SETX: variants seen among roughly 807,000 people sequenced by gnomAD.
SETX encodes senataxin.
Under a neutral mutation model 227.2 loss-of-function variants are expected in SETX, and 90 were observed. That is an observed-to-expected ratio of 0.40 (90% CI 0.33 to 0.47). The LOEUF is 0.47. SETX is among the 20% of genes least tolerant of loss of function. The pLI, the probability that SETX is intolerant of heterozygous loss-of-function variation, is 0.91. For synonymous variants in SETX, 1,210 were observed against 1,113.2 expected, an observed-to-expected ratio of 1.09 and a Z score of -1.73; for missense variants, 3,052 against 3,181.5, an observed-to-expected ratio of 0.96 and a Z score of 0.98.
Position 132,264,564 on chromosome 9 carries a change from G to A in SETX, c.7709C>T (p.Pro2570Leu), listed in dbSNP as rs765011071. The change falls in exon 26 of 26, where the codon CCT becomes CTT. Residue 2570 changes from proline (P) to leucine (L), a missense_variant. Pro to Leu is a moderately conservative substitution (Grantham distance 98). Around this residue, in one of 10 missense-constraint regions of SETX, gnomAD observed 294 missense variants for 278.8 expected, o/e 1.05. Transcript: ENST00000224140. Reference sequence around the variant, plus strand: ...AGGGAAGCCCGGCTCGCCCGTAGGAGGTGTTGCTCCAGGATGCTGGGGGCT... The same window carrying A: ...AGGGAAGCCCGGCTCGCCCGTAGGAAGTGTTGCTCCAGGATGCTGGGGGCT... ...PSSPQHPGAT[P>L]PTGEPGFPVV... 1.5e-5 allele frequency: 24 copies of A among 1,614,048 alleles called. No homozygotes were observed. Among genetic ancestry groups the A allele is most frequent in the Non-Finnish European group, 1.9e-5 (23 of 1,180,054 alleles).
At chr9:132,354,315 G>A (rs1209438823) in intron 1 of SETX, among the ~76,000 whole-genome samples, 2 of 152,046 alleles carry the variant, frequency 1.3e-5, no homozygotes, top group African/African-American at 2.4e-5. Context: ...AACACAGCCA[G>A]GCCCTGTCTC....
At chr9:132,311,905 A>G (rs754905228) in intron 10 of SETX, 49 bp from the exon 11 acceptor site, 6 of 1,344,750 alleles carry the variant, frequency 4.5e-6, no homozygotes, top group Non-Finnish European at 6.4e-6. Context: ...CTGGAAAGTG[A>G]TGCTAAATAG....
chr9:132,342,858 A>T (rs1332629791), intron 4 of SETX, 59 bp from the exon 5 acceptor site: 7 of 1,262,392 alleles, frequency 5.5e-6, no homozygotes, highest in Non-Finnish European at 6.9e-6. Flanking sequence ...AGATTCCCTA[A>T]ATTAGGCTCC....
Position 132,327,285 on chromosome 9 carries a change from G to C in SETX, c.4313C>G (p.Pro1438Arg). ...HGSPATDDAC[P>R]LNQCDSVVLN... is the part of the protein sequence containing the mutation. ...CACTACAGAATCACACTGGTTCAAA[G>C]GGCAAGCATCATCAGTTGCTGGAGA... Residue 1438 changes from proline (P) to arginine (R), a missense_variant, in exon 10 of 26, where the codon CCT becomes CGT. Pro to Arg is a moderately radical substitution (Grantham distance 103). This residue lies in a region of SETX where 1,483 missense variants were observed against 1,312.0 expected (regional missense o/e 1.13). Transcript: ENST00000224140. The C allele has an allele frequency of 6.2e-7, 1 of 1,614,152 alleles. No homozygotes were observed.
chr9:132,286,308 A>T, intron 18 of SETX, 115 bp downstream of exon 18: 2 of 755,356 alleles, frequency 2.6e-6, no homozygotes, highest in East Asian at 2.6e-5. Flanking sequence ...AGACAGAGTG[A>T]GACTCTGTCT....
At position 132,262,037 on chromosome 9, in the gene SETX, G is replaced by A. The variant is rs1407140207; in HGVS notation, c.*2202C>T. On this transcript the variant is annotated 3_prime_UTR_variant, in exon 26 of 26. Transcript: ENST00000224140. The stretch of plus-strand genomic sequence containing the variant: ...GAACGAGTGAAGTTTCAAAAGTAAT[G>A]TGAGGTACAACTGCATTCCGCTGTG... 2.6e-5 allele frequency: 4 copies of A among 153,458 alleles called. No homozygotes were observed. 9.5% of individuals were successfully genotyped at this position (153,458 alleles called of 1,614,324 possible).
At chr9:132,349,724 T>G (rs1461900493) in intron 2 of SETX, among the ~76,000 whole-genome samples, 1 of 152,216 alleles carries the variant, frequency 6.6e-6, no homozygotes, top group Non-Finnish European at 1.5e-5. Flanking sequence ...ACAGTACCGA[T>G]AGAAAATATA....
chr9:132,349,455 C>A lies in SETX; in HGVS notation c.-7-20G>T, dbSNP rs190166392. On this transcript the variant is annotated intron_variant, in intron 2 of 25. Transcript: ENST00000224140. ...CTGTACCTACAGCCAGAAAAGATGACATCAAGAAGAAAACCAACTTCAGAC... is the reference window on the plus strand; with the variant it reads ...CTGTACCTACAGCCAGAAAAGATGAAATCAAGAAGAAAACCAACTTCAGAC... 4.3e-6 allele frequency: 7 copies of A among 1,613,802 alleles called. No individual in the cohort carries two copies. In the East Asian group the frequency reaches 1.6e-4, roughly 36 times the overall value.
chr9:132,313,209 C>CTTT (rs1350452139), intron 10 of SETX, among the ~76,000 whole-genome samples: 1 of 152,010 alleles, frequency 6.6e-6, no homozygotes, highest in Non-Finnish European at 1.5e-5. Flanking sequence ...AATTATACAC[C>CTTT]TTAAAAGGGT....
At position 132,278,198 on chromosome 9, in the gene SETX, T is replaced by C; in HGVS notation, c.6714A>G (p.Glu2238=). 6.2e-7 allele frequency: 1 copy of C among 1,614,170 alleles called. No individual in the cohort carries two copies. The highest frequency in any genetic ancestry group is 8.5e-7 in the Non-Finnish European group (1 of 1,180,006). The change falls in exon 21 of 26, where the codon GAA becomes GAG. Residue 2238 remains glutamate, a synonymous_variant. Coordinates refer to ENST00000224140, the MANE Select transcript of SETX (RefSeq NM_015046.7). ...SMMARFCRLL[E]ENVEHNMISR... ...TGATCATGTTGTGTTCTACATTCTC[T>C]TCCAGCAGTCTGCAGAAGCGAGCCA...
chr9:132,335,926 C>T (rs549450796), intron 6 of SETX, among the ~76,000 whole-genome samples: 14 of 152,118 alleles, frequency 9.2e-5, no homozygotes, highest in Non-Finnish European at 7.4e-5. Flanking sequence ...CCAAAGAGAA[C>T]ACTTCCCTTT....
intron 25 of SETX, among the ~76,000 whole-genome samples, chr9:132,265,523 C>G (rs573048543): frequency 6.6e-6 from 1 of 152,048 alleles, no homozygotes; most frequent in Non-Finnish European, 1.5e-5. Context: ...CGTGCCTGGC[C>G]GAACTTCAGC....
chr9:132,293,819 G>C (rs915899520), intron 15 of SETX, among the ~76,000 whole-genome samples: 1 of 152,060 alleles, frequency 6.6e-6, no homozygotes, highest in African/African-American at 2.4e-5. Context: ...TCAGGAGATC[G>C]AGACCATCCT....
In SETX at chr9:132,326,619, T is replaced by C. The variant is rs371894414; in HGVS notation, c.4979A>G (p.His1660Arg). ...GEMKNSCNVL[H>R]PQSPNNSNRQ... ...GTTGGAATTATTCGGAGACTGAGGA[T>C]GAAGAACATTGCACGAATTCTTCAT... Residue 1660 changes from histidine to arginine, a missense_variant, in exon 10 of 26, where the codon CAT becomes CGT. Physicochemically the swap from His to Arg is conservative, Grantham distance 29. Around this residue, in one of 10 missense-constraint regions of SETX, gnomAD observed 1,483 missense variants for 1,312.0 expected, o/e 1.13. Transcript: ENST00000224140. The C allele has an allele frequency of 4.8e-5, 77 of 1,614,104 alleles. No individual in the cohort carries two copies. The highest frequency in any genetic ancestry group is 6.4e-5 in the Non-Finnish European group (76 of 1,180,044).
intron 7 of SETX, among the ~76,000 whole-genome samples, chr9:132,331,664 T>C (rs951232357): frequency 2.0e-5 from 3 of 146,990 alleles, no homozygotes; most frequent in Non-Finnish European, 4.4e-5. Context: ...AATACTATGA[T>C]ACGTCTGTAA....
chr9:132,297,068 A>C lies in SETX; in HGVS notation c.5782-14T>G, dbSNP rs1342877178. 2 of 1,599,982 alleles carry C rather than the reference A, an allele frequency of 1.3e-6. No individual in the cohort carries two copies. Among genetic ancestry groups the C allele is most frequent in the Non-Finnish European group, 1.7e-6 (2 of 1,170,634 alleles). On this transcript the variant is annotated splice_polypyrimidine_tract_variant and intron_variant, in intron 13 of 25. Coordinates refer to ENST00000224140, the MANE Select transcript of SETX (RefSeq NM_015046.7). ...TAAGTACGCAATCTATATAAAAAAC[A>C]CATTTTTGAGAATGAGTTGCTGTTT...
At chr9:132,298,393 T>C in intron 12 of SETX, 81 bp from the exon 13 acceptor site, 1 of 1,148,416 alleles carries the variant, frequency 8.7e-7, no homozygotes, top group Non-Finnish European at 1.3e-6. Flanking sequence ...CAGAATTAGG[T>C]ATTTTTAACA....
At chr9:132,272,450 T>C (rs888042461) in intron 23 of SETX, among the ~76,000 whole-genome samples, 3 of 151,270 alleles carry the variant, frequency 2.0e-5, no homozygotes, top group African/African-American at 7.3e-5. Context: ...TGCCTGGCCT[T>C]ACAGTCTTTA....
Position 132,327,508 on chromosome 9 carries a change from T to C in SETX, c.4090A>G (p.Arg1364Gly), listed in dbSNP as rs142134306. 4.6e-5 allele frequency: 74 copies of C among 1,613,946 alleles called. No homozygotes were observed. In the African/African-American group the frequency reaches 8.8e-4, roughly 19 times the overall value. ...TCTGTACTTTCACAATCAGAAAGTCTTCGTCTATTTTTTTGTGATTTGGGT... is the reference window on the plus strand; with the variant it reads ...TCTGTACTTTCACAATCAGAAAGTCCTCGTCTATTTTTTTGTGATTTGGGT... Reference protein sequence around the residue: ...IRPKSQKNRRRLSDCESTDVK... With the variant: ...IRPKSQKNRRGLSDCESTDVK... The change falls in exon 10 of 26, where the codon AGA becomes GGA. Residue 1364 changes from arginine (R) to glycine (G), a missense_variant. Physicochemically the swap from Arg to Gly is moderately radical, Grantham distance 125. Around this residue, in one of 10 missense-constraint regions of SETX, gnomAD observed 1,483 missense variants for 1,312.0 expected, o/e 1.13. Transcript: ENST00000224140.
Sources: gnomAD v4.1 joint callset for allele counts (sites outside exome capture counted in the v4.1 genomes callset) on GRCh38, gnomAD v4.1.1 for gene constraint, gnomAD v4.1.1 regional missense constraint, MANE v1.5 for transcripts, NCBI Gene and HGNC (gene_info 2026-07-23, HGNC 2026-07-21) for gene names.